The following SIM2 variants were observed in gnomAD, a reference collection of about 807,000 sequenced individuals.
SIM2 encodes the protein single-minded homolog 2.
Under a neutral mutation model 64.8 loss-of-function variants are expected in SIM2, and 28 were observed. That is an observed-to-expected ratio of 0.43 (90% CI 0.32 to 0.59). The LOEUF (loss-of-function observed/expected upper bound fraction) is 0.59, where lower values mean the gene tolerates loss of function less well. Among genes scored for constraint, SIM2 ranks in the 20% least tolerant of loss-of-function variants. The pLI, the probability that SIM2 is intolerant of heterozygous loss-of-function variation, is 0.07. For missense variants in SIM2, 847 were observed against 871.4 expected (o/e 0.97, Z 0.35); for synonymous variants, 408 against 391.1 (o/e 1.04, Z -0.51).
chr21:36,742,856 G>A (rs960286065), intron 8 of SIM2, among the ~76,000 whole-genome samples: 1 of 152,196 alleles, frequency 6.6e-6, no homozygotes, highest in Admixed American at 6.5e-5. Context: ...AAATGTGTGG[G>A]CTGGTTCTCC....
At chr21:36,737,679 G>C (rs2089084079) in intron 7 of SIM2, among the ~76,000 whole-genome samples, 1 of 152,202 alleles carries the variant, frequency 6.6e-6, no homozygotes, top group Admixed American at 6.5e-5. Context: ...AGAGAACACA[G>C]GCCATGTGCA....
intron 10 of SIM2, chr21:36,746,179 G>T (rs909535586): frequency 1.3e-5 from 3 of 232,196 alleles, no homozygotes; most frequent in African/African-American, 6.6e-5. Context: ...GTTGGGCATG[G>T]TGGTGAGCAC....
rs1034615411 is a variant in SIM2 at position 36,749,755 on chromosome 21, A to C, written c.*1663A>C. ...GAAAGGTGTAGGTTTGATTACTAGG[A>C]GATACCACCGACATTTTTCAATAAA... On this transcript the variant is annotated 3_prime_UTR_variant, in exon 11 of 11. Coordinates refer to ENST00000290399, the MANE Select transcript of SIM2 (RefSeq NM_005069.6). 1 of 152,116 alleles carries C rather than the reference A, an allele frequency of 6.6e-6. No individual in the cohort carries two copies. Among genetic ancestry groups the C allele is most frequent in the African/African-American group, 2.4e-5 (1 of 41,430 alleles). 9.4% of individuals were successfully genotyped at this position (152,116 alleles called of 1,614,324 possible).
intron 9 of SIM2, 70 bp from the exon 10 acceptor site, chr21:36,744,658 C>G: frequency 1.3e-6 from 2 of 1,496,154 alleles, no homozygotes; most frequent in Non-Finnish European, 1.8e-6. Flanking sequence ...CGGGACGGTT[C>G]TTGCAGGGCC....
chr21:36,714,894 A>G (rs1203588679), intron 3 of SIM2, among the ~76,000 whole-genome samples: 1 of 152,242 alleles, frequency 6.6e-6, no homozygotes, highest in Non-Finnish European at 1.5e-5. Context: ...CACAAGTTGA[A>G]GTACTCTATT....
chr21:36,732,615 T>A (rs2088985858), intron 7 of SIM2, among the ~76,000 whole-genome samples: 1 of 152,218 alleles, frequency 6.6e-6, no homozygotes, highest in South Asian at 2.1e-4. Context: ...TCCTTGCTCC[T>A]TGACTCATGT....
intron 1 of SIM2, among the ~76,000 whole-genome samples, chr21:36,707,970 C>CCTGGCCCG (rs199545428): frequency 6.6e-6 from 1 of 150,708 alleles, no homozygotes; most frequent in East Asian, 2.0e-4. Context: ...TGGGCCTGGC[C>CCTGGCCCG]CAGCGTGGGT....
chr21:36,719,767 C>A, intron 3 of SIM2, 54 bp from the exon 4 acceptor site: 1 of 1,093,000 alleles, frequency 9.1e-7, no homozygotes, highest in Non-Finnish European at 1.4e-6. Flanking sequence ...GCCCCTCCCC[C>A]TGCGCCAATC....
intron 5 of SIM2, among the ~76,000 whole-genome samples, chr21:36,724,817 G>A (rs1286104731): frequency 6.6e-6 from 1 of 152,104 alleles, no homozygotes; most frequent in Non-Finnish European, 1.5e-5. Flanking sequence ...TGATGATATT[G>A]ACCCTGTCAA....
At chr21:36,703,805 G>T (rs181148379) in intron 1 of SIM2, among the ~76,000 whole-genome samples, 3 of 152,246 alleles carry the variant, frequency 2.0e-5, no homozygotes, top group Non-Finnish European at 4.4e-5. Flanking sequence ...AACTGCAAAA[G>T]CGTCCTGGCA....
intron 2 of SIM2, 104 bp downstream of exon 2, chr21:36,709,354 C>A: frequency 1.1e-6 from 1 of 936,714 alleles, no homozygotes; most frequent in Non-Finnish European, 1.7e-6. Context: ...CCAGGCAGAT[C>A]CAGAGGCTGC....
Position 36,731,069 on chromosome 21 carries a change from G to A in SIM2, c.768G>A (p.Glu256=), listed in dbSNP as rs376029267. Residue 256 remains glutamate, a synonymous_variant, in exon 7 of 11, where the codon GAG becomes GAA. Transcript: ENST00000290399. ...DSRVTEVTGY[E]PQDLIEKTLY... is the part of the protein sequence containing the mutation. ...GGGTGACCGAGGTGACGGGGTACGA[G>A]CCGCAGGACCTGATCGAGAAGACCC... is the stretch of plus-strand genomic sequence containing the variant. The A allele has an allele frequency of 6.2e-7, 1 of 1,614,110 alleles. No individual in the cohort carries two copies. The highest frequency in any genetic ancestry group is 8.5e-7 in the Non-Finnish European group (1 of 1,179,982).
Position 36,707,973 on chromosome 21 carries a change from G to GTT in SIM2, c.176-1195_176-1194insTT, listed in dbSNP as rs780782783. ...TGGGGCTGGGGCTGGGCCTGGCCCAGCGTGGGTTGGGGCGGGGGACGCGCC... is the reference window on the plus strand; with the variant it reads ...TGGGGCTGGGGCTGGGCCTGGCCCAGTTCGTGGGTTGGGGCGGGGGACGCGCC... On this transcript the variant is annotated intron_variant, in intron 1 of 10. Coordinates refer to ENST00000290399, the MANE Select transcript of SIM2 (RefSeq NM_005069.6). 6.6e-5 allele frequency among the ~76,000 whole-genome samples: 10 copies of GTT among 151,098 alleles called. 1 individual carries two copies. The South Asian group carries it at 2.1e-3, about 32-fold the overall frequency.
At position 36,719,872 on chromosome 21, in the gene SIM2, G is replaced by A. The variant is rs149282278; in HGVS notation, c.400G>A (p.Asp134Asn). ...TGAATACATCCATCCTTCTGACCACGATGAGATGACCGCTGTCCTCACGGC... is the reference window on the plus strand; with the variant it reads ...TGAATACATCCATCCTTCTGACCACAATGAGATGACCGCTGTCCTCACGGC... ...IYEYIHPSDH[D>N]EMTAVLTAHQ... The change falls in exon 4 of 11, where the codon GAT becomes AAT. Residue 134 changes from aspartate to asparagine, a missense_variant. Coordinates refer to ENST00000290399, the MANE Select transcript of SIM2 (RefSeq NM_005069.6). 82 of 1,613,408 alleles carry A rather than the reference G, an allele frequency of 5.1e-5. No homozygotes were observed. Among genetic ancestry groups the A allele is most frequent in the East Asian group, 8.9e-5 (4 of 44,872 alleles).
chr21:36,747,987 C>G lies in SIM2; in HGVS notation c.1899C>G (p.Thr633=). The part of the protein sequence containing the change: ...ACAPGGPEAA[T]GALRLRHPSP... ...CTCCCGGCGGCCCCGAGGCGGCGAC[C>G]GGCGCGCTGCGGCTCCGGCACCCGA... Residue 633 remains threonine, a synonymous_variant, in exon 11 of 11, where the codon ACC becomes ACG. Transcript: ENST00000290399. The surrounding 1 kb of genome is among the most constrained non-coding windows in gnomAD (Gnocchi z 4.5). 9.4e-7 allele frequency: 1 copy of G among 1,068,050 alleles called. No homozygotes were observed. The allele number at this position is 1,068,050 out of a possible 1,614,324, so 66.2% of individuals were successfully genotyped here.
intron 6 of SIM2, among the ~76,000 whole-genome samples, chr21:36,728,262 T>C (rs1488478110): frequency 6.6e-6 from 1 of 152,190 alleles, no homozygotes; most frequent in Non-Finnish European, 1.5e-5. Context: ...TTTCGTCTCC[T>C]AGTTTTCCTC....
intron 10 of SIM2, among the ~76,000 whole-genome samples, chr21:36,746,630 AG>A (rs1261265539): frequency 6.6e-6 from 1 of 152,238 alleles, no homozygotes; most frequent in Non-Finnish European, 1.5e-5. Flanking sequence ...ATTGGTGACC[AG>A]GGCCAGGACC....
chr21:36,736,993 C>T (rs1310932928), intron 7 of SIM2, among the ~76,000 whole-genome samples: 1 of 151,828 alleles, frequency 6.6e-6, no homozygotes, highest in Non-Finnish European at 1.5e-5. Flanking sequence ...GTAGCGTGGT[C>T]GGAGCTCACT....
Position 36,741,769 on chromosome 21 carries a change from G to T in SIM2, c.903G>T (p.Arg301=). 1 of 1,613,192 alleles carries T rather than the reference G, an allele frequency of 6.2e-7. No homozygotes were observed. ...TTKYYRLLSK[R]GGWVWVQSYA... ...AGTACTACCGGCTGCTGTCCAAGCG[G>T]GGCGGCTGGGTGTGGGTGCAGAGCT... The change falls in exon 8 of 11, where the codon CGG becomes CGT. Residue 301 remains arginine (R), a synonymous_variant. Transcript: ENST00000290399.
Sources: allele counts gnomAD v4.1 joint callset (sites outside exome capture counted in the v4.1 genomes callset), GRCh38; gene constraint gnomAD v4.1.1; non-coding constraint Gnocchi (gnomAD v3.1); transcripts MANE v1.5; gene names NCBI Gene and HGNC (gene_info 2026-07-23, HGNC 2026-07-21).